IRAK2: variants seen among roughly 807,000 people sequenced by gnomAD.
IRAK2 encodes the protein interleukin 1 receptor associated kinase 2.
In IRAK2, 57 loss-of-function variants were observed where a neutral mutation model predicts 72.0. The observed-to-expected ratio is 0.79, with a 90% CI of 0.64 to 0.99. The LOEUF (loss-of-function observed/expected upper bound fraction) is 0.99. Among genes scored for constraint, IRAK2 ranks in the 50% least tolerant of loss-of-function variants. IRAK2 has a pLI of 0.00. For missense variants in IRAK2, 790 were observed against 794.4 expected, an observed-to-expected ratio of 0.99 and a Z score of 0.07; for synonymous variants, 293 against 312.7, an observed-to-expected ratio of 0.94 and a Z score of 0.67.
At chr3:10,224,606 T>C (rs1239983851) in intron 9 of IRAK2, among the ~76,000 whole-genome samples, 1 of 150,578 alleles carries the variant, frequency 6.6e-6, no homozygotes, top group Non-Finnish European at 1.5e-5. Context: ...TTCTGATATC[T>C]GTTTACTCTT....
rs34730585 is a variant in IRAK2, at chr3:10,240,147, C to CAAA, written c.1765+1120_1765+1122dup. On this transcript the variant is annotated intron_variant, in intron 12 of 12. Coordinates refer to ENST00000256458, the MANE Select transcript of IRAK2 (RefSeq NM_001570.4). Reference sequence around the variant, plus strand: ...TGAGTGACAGAGTGAGACTCCGTCTCAAAAAAAAAAAAAAGAAGATACTTT... The same window carrying CAAA: ...TGAGTGACAGAGTGAGACTCCGTCTCAAAAAAAAAAAAAAAAAGAAGATACTTT... Among the ~76,000 whole-genome samples the CAAA allele has an allele frequency of 1.4e-3, 188 of 132,694 alleles. 3 individuals carry two copies. Among genetic ancestry groups the CAAA allele is most frequent in the African/African-American group, 5.0e-3 (177 of 35,070 alleles). 87.1% of individuals were successfully genotyped at this position (132,694 alleles called of 152,430 possible). A position where few individuals can be genotyped will look rare whatever the true frequency, so the allele number is the denominator to read the frequency against.
intron 1 of IRAK2, among the ~76,000 whole-genome samples, chr3:10,165,432 GGTGTGT>G (rs777397782): frequency 3.4e-5 from 5 of 145,622 alleles, no homozygotes; most frequent in South Asian, 4.5e-4. Context: ...TTCTTGGGGG[GGTGTGT>G]GTGTGTGTGT....
At chr3:10,241,474 G>T (rs1280295127) in intron 12 of IRAK2, among the ~76,000 whole-genome samples, 1 of 150,824 alleles carries the variant, frequency 6.6e-6, no homozygotes, top group Non-Finnish European at 1.5e-5. Flanking sequence ...CAGGAGAATT[G>T]CTTGAACCCA....
At chr3:10,235,076 C>A (rs753034030) in intron 11 of IRAK2, among the ~76,000 whole-genome samples, 1 of 152,138 alleles carries the variant, frequency 6.6e-6, no homozygotes, top group African/African-American at 2.4e-5. Flanking sequence ...AGTTGTTTAC[C>A]GCTTGGCCAA....
chr3:10,182,590 T>G (rs944042224), intron 2 of IRAK2, among the ~76,000 whole-genome samples: 3 of 151,614 alleles, frequency 2.0e-5, no homozygotes, highest in Non-Finnish European at 4.4e-5. Context: ...CTTGTATTTT[T>G]AGTAGAGATG....
At chr3:10,181,236 G>A (rs1391750172) in intron 2 of IRAK2, among the ~76,000 whole-genome samples, 1 of 152,048 alleles carries the variant, frequency 6.6e-6, no homozygotes. Context: ...CGGTGCTCCT[G>A]AGCCGCTGCC....
chr3:10,233,036 CTATTTT>C (rs367666650), intron 10 of IRAK2, among the ~76,000 whole-genome samples: 5 of 152,062 alleles, frequency 3.3e-5, no homozygotes, highest in African/African-American at 9.7e-5. Flanking sequence ...TGTGCCCGGC[CTATTTT>C]TATTTTTATT....
At chr3:10,202,227 A>G (rs540177684) in intron 3 of IRAK2, among the ~76,000 whole-genome samples, 1 of 152,362 alleles carries the variant, frequency 6.6e-6, no homozygotes, top group East Asian at 1.9e-4. Flanking sequence ...AGGGAAAATT[A>G]TAACAAAATA....
At chr3:10,212,854 T>C (rs537764187) in intron 4 of IRAK2, among the ~76,000 whole-genome samples, 1 of 145,764 alleles carries the variant, frequency 6.9e-6, no homozygotes, top group South Asian at 2.2e-4. Flanking sequence ...AAGCTCCGCC[T>C]CCTGGGTTCA....
At chr3:10,199,315 G>T (rs1697318075) in intron 2 of IRAK2, among the ~76,000 whole-genome samples, 1 of 152,178 alleles carries the variant, frequency 6.6e-6, no homozygotes, top group African/African-American at 2.4e-5. Flanking sequence ...CCCTCGAGAA[G>T]GCAGGGGAGT....
chr3:10,219,351 C>G (rs1030755139), intron 7 of IRAK2, among the ~76,000 whole-genome samples: 2 of 151,480 alleles, frequency 1.3e-5, no homozygotes, highest in African/African-American at 4.9e-5. Context: ...TGGAGTCTCG[C>G]TCTGTCACCC....
chr3:10,172,206 TA>T (rs879387104), intron 1 of IRAK2, among the ~76,000 whole-genome samples: 97 of 141,846 alleles, frequency 6.8e-4, no homozygotes, highest in Admixed American at 9.9e-4. Flanking sequence ...CCGTTTCTAC[TA>T]AAAAAAAAAA....
chr3:10,243,125 C>T lies in IRAK2; in HGVS notation c.*897C>T, dbSNP rs1413671768. 6.6e-6 allele frequency: 1 copy of T among 152,276 alleles called. No individual in the cohort carries two copies. The highest frequency in any genetic ancestry group is 1.5e-5 in the Non-Finnish European group (1 of 68,098). The allele number at this position is 152,276 out of a possible 1,614,324, so 9.4% of individuals were successfully genotyped here. ...TCTCAGCTCACTGCAAGCTCTGCCTCTCAGGTTCAAGTGATTCTCCTGCCT... is the reference window on the plus strand; with the variant it reads ...TCTCAGCTCACTGCAAGCTCTGCCTTTCAGGTTCAAGTGATTCTCCTGCCT... On this transcript the variant is annotated 3_prime_UTR_variant, in exon 13 of 13. Coordinates refer to ENST00000256458, the MANE Select transcript of IRAK2 (RefSeq NM_001570.4).
intron 2 of IRAK2, among the ~76,000 whole-genome samples, chr3:10,182,920 C>A (rs1696983809): frequency 6.6e-6 from 1 of 151,456 alleles, no homozygotes. Flanking sequence ...ATAGGTGTGC[C>A]CCGCTGCATC....
chr3:10,240,558 C>CCCCTTTTT (rs1274154130), intron 12 of IRAK2, among the ~76,000 whole-genome samples: 1 of 18,066 alleles, frequency 5.5e-5, no homozygotes, highest in South Asian at 6.7e-3. Flanking sequence ...CCCCCCCCGC[C>CCCCTTTTT]TTTTTTTTTT....
At chr3:10,166,325 G>C (rs1050644558) in intron 1 of IRAK2, among the ~76,000 whole-genome samples, 1 of 152,160 alleles carries the variant, frequency 6.6e-6, no homozygotes, top group Non-Finnish European at 1.5e-5. Flanking sequence ...AGATAATTCC[G>C]TGGGAAGGCA....
intron 1 of IRAK2, among the ~76,000 whole-genome samples, 172 bp from the exon 2 acceptor site, chr3:10,177,666 C>T (rs1017995660): frequency 3.9e-5 from 6 of 152,196 alleles, no homozygotes; most frequent in African/African-American, 1.2e-4. Flanking sequence ...CCAGCAGAGT[C>T]AGCGTTGTAA....
chr3:10,222,614 C>T, intron 8 of IRAK2, 22 bp from the exon 9 acceptor site: 1 of 1,602,718 alleles, frequency 6.2e-7, no homozygotes, highest in Non-Finnish European at 8.5e-7. Flanking sequence ...TGAGAAGGTT[C>T]CCTCTCCTTT....
Position 10,243,655 on chromosome 3 carries a change from T to C in IRAK2, c.*1427T>C, listed in dbSNP as rs917039875. 4 of 152,668 alleles carry C rather than the reference T, an allele frequency of 2.6e-5. No individual in the cohort carries two copies. Among genetic ancestry groups the C allele is most frequent in the African/African-American group, 9.6e-5 (4 of 41,462 alleles). 9.5% of individuals were successfully genotyped at this position (152,668 alleles called of 1,614,324 possible). ...GTTGCAAATCTTTCTGTGAAACAGA[T>C]GCTATTTTAAATTCACTGGGAGAAA... On this transcript the variant is annotated 3_prime_UTR_variant, in exon 13 of 13. Coordinates refer to ENST00000256458, the MANE Select transcript of IRAK2 (RefSeq NM_001570.4).
Sources: gnomAD v4.1 joint callset for allele counts (sites outside exome capture counted in the v4.1 genomes callset) on GRCh38, gnomAD v4.1.1 for gene constraint, MANE v1.5 for transcripts, NCBI Gene and HGNC (gene_info 2026-07-23, HGNC 2026-07-21) for gene names.